Variants in ERBB4 observed in about 807,000 individuals in gnomAD.
ERBB4 encodes the protein erb-b2 receptor tyrosine kinase 4.
ERBB4 carries 42 observed loss-of-function variants against 158.0 expected under a neutral mutation model. The observed-to-expected ratio is 0.27, with a 90% CI of 0.21 to 0.34. The LOEUF is 0.34. Ranked by LOEUF, ERBB4 falls within the 10% of genes least tolerant of loss-of-function variation. ERBB4 has a pLI of 1.00. For synonymous variants in ERBB4, 583 were observed against 558.7 expected, an observed-to-expected ratio of 1.04 and a Z score of -0.61; for missense variants, 1,333 against 1,624.1, an observed-to-expected ratio of 0.82 and a Z score of 3.08.
chr2:211,431,259 G>A (rs1237812788), intron 20 of ERBB4, among the ~76,000 whole-genome samples, 159 bp from the exon 21 acceptor site: 1 of 152,116 alleles, frequency 6.6e-6, no homozygotes, highest in Non-Finnish European at 1.5e-5. Context: ...CTGATTTGGG[G>A]GACAGCAAAC....
intron 1 of ERBB4, among the ~76,000 whole-genome samples, chr2:212,181,811 A>G (rs2081874667): frequency 6.6e-6 from 1 of 151,818 alleles, no homozygotes. Flanking sequence ...CAAGTTCCTA[A>G]GAGTGAGGCA....
At chr2:212,283,622 T>G (rs2085843931) in intron 1 of ERBB4, among the ~76,000 whole-genome samples, 2 of 151,980 alleles carry the variant, frequency 1.3e-5, no homozygotes, top group South Asian at 4.1e-4. Flanking sequence ...CAATGCTAGT[T>G]TAAATGCTGA....
chr2:212,207,146 T>C (rs1468595489), intron 1 of ERBB4, among the ~76,000 whole-genome samples: 1 of 152,160 alleles, frequency 6.6e-6, no homozygotes, highest in African/African-American at 2.4e-5. Flanking sequence ...TTTCATTTTG[T>C]TTTTGTTCAA....
At chr2:212,242,452 T>C (rs949332210) in intron 1 of ERBB4, among the ~76,000 whole-genome samples, 2 of 152,112 alleles carry the variant, frequency 1.3e-5, no homozygotes, top group African/African-American at 4.8e-5. Context: ...GTAATTATAA[T>C]AAACAATCTC....
chr2:211,957,383 C>T (rs193262745), intron 2 of ERBB4, among the ~76,000 whole-genome samples: 82 of 152,190 alleles, frequency 5.4e-4, no homozygotes, highest in Middle Eastern at 3.4e-3. Flanking sequence ...AAGAAACCAA[C>T]GCTACAGAGC....
chr2:211,588,876 T>C (rs1024069285), intron 19 of ERBB4, among the ~76,000 whole-genome samples: 4 of 152,158 alleles, frequency 2.6e-5, no homozygotes, highest in Non-Finnish European at 5.9e-5. Flanking sequence ...AAAAAAATCT[T>C]GGGCACATGT....
intron 25 of ERBB4, 111 bp from the exon 26 acceptor site, chr2:211,388,103 GA>G: frequency 2.5e-6 from 2 of 810,946 alleles, no homozygotes; most frequent in Non-Finnish European, 4.3e-6. Flanking sequence ...AACCAAAGGG[GA>G]AAAAGTGCAC....
intron 1 of ERBB4, among the ~76,000 whole-genome samples, chr2:212,395,992 CTT>C: frequency 6.6e-6 from 1 of 152,114 alleles, no homozygotes; most frequent in Admixed American, 6.6e-5. Context: ...CTACGAGAGT[CTT>C]ATATAGGAGT....
chr2:212,360,127 CAA>C (rs765280803), intron 1 of ERBB4, among the ~76,000 whole-genome samples: 32 of 151,756 alleles, frequency 2.1e-4, no homozygotes, highest in Non-Finnish European at 4.0e-4. Context: ...CTGTCCCTAA[CAA>C]AGAACCTTTC....
intron 1 of ERBB4, among the ~76,000 whole-genome samples, chr2:212,481,788 A>G (rs1689712737): frequency 6.6e-6 from 1 of 152,238 alleles, no homozygotes; most frequent in African/African-American, 2.4e-5. Context: ...CAATACCTGC[A>G]AACCGTTGCA....
chr2:211,625,158 G>A (rs918144620), intron 17 of ERBB4, among the ~76,000 whole-genome samples: 5 of 152,068 alleles, frequency 3.3e-5, no homozygotes, highest in African/African-American at 1.2e-4. Context: ...ATCTATGTAT[G>A]AGTAAAAGGG....
rs144175684 is a variant in ERBB4 at position 211,741,186 on chromosome 2, C to T, written c.622+9453G>A. 4.3e-3 allele frequency among the ~76,000 whole-genome samples: 648 copies of T among 152,184 alleles called. 2 individuals carry two copies. The highest frequency in any genetic ancestry group is 8.1e-3 in the Non-Finnish European group (549 of 67,998). On this transcript the variant is annotated intron_variant, in intron 5 of 27. Transcript: ENST00000342788. ...TCTTTGATAGTCAAATATAGTTACT[C>T]TAATGACAGTCAGCTCTTCTGCTGT...
chr2:212,483,476 C>T (rs993550931), intron 1 of ERBB4, among the ~76,000 whole-genome samples: 15 of 152,234 alleles, frequency 9.9e-5, no homozygotes, highest in Admixed American at 6.5e-4. Context: ...GTGCTAAGGA[C>T]GCTTTCTAAA....
intron 1 of ERBB4, among the ~76,000 whole-genome samples, chr2:212,226,012 G>A (rs1342690080): frequency 1.3e-5 from 2 of 152,134 alleles, no homozygotes; most frequent in Admixed American, 1.3e-4. Flanking sequence ...AATGAAAAGG[G>A]AGATTATCCT....
intron 3 of ERBB4, among the ~76,000 whole-genome samples, chr2:211,795,467 C>T (rs955822803): frequency 1.3e-5 from 2 of 151,760 alleles, no homozygotes; most frequent in African/African-American, 4.8e-5. Flanking sequence ...AGTATTCATA[C>T]TAACATTGCT....
At chr2:211,774,718 CT>C (rs140981070) in intron 4 of ERBB4, among the ~76,000 whole-genome samples, 22,128 of 152,020 alleles carry the variant, frequency 0.15, 1,788 homozygotes, top group South Asian at 0.33. Context: ...TGCCAATTTC[CT>C]TTTACTTTTT....
chr2:211,846,159 C>G (rs968394113), intron 3 of ERBB4, among the ~76,000 whole-genome samples: 5 of 151,664 alleles, frequency 3.3e-5, no homozygotes, highest in Non-Finnish European at 7.4e-5. Context: ...AGCCATATCA[C>G]TCACTGTAAC....
At chr2:212,491,543 T>C (rs954436839) in intron 1 of ERBB4, among the ~76,000 whole-genome samples, 34 of 151,630 alleles carry the variant, frequency 2.2e-4, no homozygotes, top group Admixed American at 1.5e-3. Context: ...AAAAACATTA[T>C]GCTTGAAATA....
chr2:212,513,388 A>G (rs1214886623), intron 1 of ERBB4, among the ~76,000 whole-genome samples: 1 of 152,236 alleles, frequency 6.6e-6, no homozygotes, highest in Non-Finnish European at 1.5e-5. Flanking sequence ...ACATTTCACA[A>G]GTATTTACAG....
Sources: allele counts gnomAD v4.1 joint callset (sites outside exome capture counted in the v4.1 genomes callset), GRCh38; gene constraint gnomAD v4.1.1; transcripts MANE v1.5; gene names NCBI Gene and HGNC (gene_info 2026-07-23, HGNC 2026-07-21).